The following NPFFR1 variants were observed in gnomAD, a reference collection of about 807,000 sequenced individuals.
The protein encoded by NPFFR1 is G-protein coupled receptor 147.
NPFFR1 carries 17 observed loss-of-function variants against 12.7 expected under a neutral mutation model. The ratio of observed to expected loss-of-function variants is 1.34; its 90% CI spans 0.92 to 2.01. NPFFR1 has a LOEUF of 2.01. Among genes scored for constraint, NPFFR1 ranks in the 30% most tolerant of loss-of-function variants. The pLI is 0.00. For synonymous variants in NPFFR1, 296 were observed against 264.5 expected (o/e 1.12, Z -1.16); for missense variants, 604 against 606.5 (o/e 1.00, Z 0.04).
chr10:70,274,798 G>C (rs1003972841), intron 1 of NPFFR1, among the ~76,000 whole-genome samples: 7 of 152,228 alleles, frequency 4.6e-5, no homozygotes, highest in African/African-American at 1.7e-4. Flanking sequence ...CTTATTGACT[G>C]CATTAGCTAT....
At chr10:70,282,401 G>A (rs959689024) in intron 1 of NPFFR1, among the ~76,000 whole-genome samples, 2 of 152,068 alleles carry the variant, frequency 1.3e-5, no homozygotes, top group Non-Finnish European at 2.9e-5. Flanking sequence ...CTTTGCTAAC[G>A]CCATTCTTAC....
chr10:70,280,910 C>G (rs1400895629), intron 1 of NPFFR1, among the ~76,000 whole-genome samples: 1 of 152,098 alleles, frequency 6.6e-6, no homozygotes, highest in Admixed American at 6.6e-5. Context: ...GTTGAGGCAA[C>G]AAAATTGCTT....
At position 70,248,318 on chromosome 10, in the gene NPFFR1, C is replaced by T. The variant is rs1840470758; in HGVS notation, c.*6639G>A. 1 of 152,136 alleles carries T rather than the reference C, an allele frequency of 6.6e-6. No homozygotes were observed. 9.4% of individuals were successfully genotyped at this position (152,136 alleles called of 1,614,324 possible). Reference sequence around the variant, plus strand: ...TTAATTACTTCATTCATTCAACAGACATTTATTGAGTGCCTCCTATGCACC... The same window carrying T: ...TTAATTACTTCATTCATTCAACAGATATTTATTGAGTGCCTCCTATGCACC... On this transcript the variant is annotated 3_prime_UTR_variant, in exon 4 of 4. Coordinates refer to ENST00000277942, the MANE Select transcript of NPFFR1 (RefSeq NM_022146.5).
At position 70,251,190 on chromosome 10, in the gene NPFFR1, C is replaced by G. The variant is rs1271306750; in HGVS notation, c.*3767G>C. 1 of 152,252 alleles carries G rather than the reference C, an allele frequency of 6.6e-6. No individual in the cohort carries two copies. Among genetic ancestry groups the G allele is most frequent in the African/African-American group, 2.4e-5 (1 of 41,466 alleles). The allele number at this position is 152,252 out of a possible 1,614,324, so 9.4% of individuals were successfully genotyped here. On this transcript the variant is annotated 3_prime_UTR_variant, in exon 4 of 4. Transcript: ENST00000277942. ...ATCAGTGACACTTCTGAGGGGTGAG[C>G]TGAGGAAACGGGTGCAAAAAGGTAC...
chr10:70,260,580 G>A, intron 3 of NPFFR1, 60 bp downstream of exon 3: 1 of 1,397,464 alleles, frequency 7.2e-7, no homozygotes, highest in East Asian at 2.5e-5. Context: ...AGAGGCAGTG[G>A]CTCCTCTTAA....
rs71472949 is a variant in NPFFR1, at chr10:70,248,467, G to GTTTTTTTTTTTTTTTTTTTTT, written c.*6489_*6490insAAAAAAAAAAAAAAAAAAAAA. On this transcript the variant is annotated 3_prime_UTR_variant, in exon 4 of 4. Transcript: ENST00000277942. Reference sequence around the variant, plus strand: ...CAAAGTACGTAGTACTATGCCTGGCGTTTTTTTTTTGTTTTTTGTTTTTTT... The same window carrying GTTTTTTTTTTTTTTTTTTTTT: ...CAAAGTACGTAGTACTATGCCTGGCGTTTTTTTTTTTTTTTTTTTTTTTTTTTTTTTGTTTTTTGTTTTTTT... 5.2e-5 allele frequency: 5 copies of GTTTTTTTTTTTTTTTTTTTTT among 96,736 alleles called. 1 individual carries two copies. Among genetic ancestry groups the GTTTTTTTTTTTTTTTTTTTTT allele is most frequent in the African/African-American group, 8.1e-5 (2 of 24,728 alleles). 6.0% of individuals were successfully genotyped at this position (96,736 alleles called of 1,614,324 possible).
chr10:70,258,272 C>T (rs1840596464), intron 3 of NPFFR1, among the ~76,000 whole-genome samples: 1 of 151,620 alleles, frequency 6.6e-6, no homozygotes, highest in African/African-American at 2.4e-5. Flanking sequence ...CCACTGCACT[C>T]CAGCCAAGGC....
intron 1 of NPFFR1, among the ~76,000 whole-genome samples, chr10:70,278,459 T>G (rs921862743): frequency 1.8e-4 from 27 of 152,234 alleles, no homozygotes; most frequent in Non-Finnish European, 1.5e-4. Context: ...TTTTGGTATG[T>G]TGAGATAACC....
intron 3 of NPFFR1, among the ~76,000 whole-genome samples, chr10:70,259,082 T>C (rs1840606492): frequency 1.3e-5 from 2 of 151,690 alleles, no homozygotes; most frequent in African/African-American, 4.8e-5. Context: ...AGGACAGGAG[T>C]TCGAGACCAG....
chr10:70,255,473 C>T lies in NPFFR1; in HGVS notation c.777G>A (p.Pro259=). 1.2e-5 allele frequency: 18 copies of T among 1,548,358 alleles called. No individual in the cohort carries two copies. Among genetic ancestry groups the T allele is most frequent in the Non-Finnish European group, 1.5e-5 (17 of 1,146,038 alleles). ...PAPGGEEAAD[P]RASRRRARVV... ...CGCGCGCTCTGCGCCGCGATGCTCG[C>T]GGGTCCGCAGCCTCCTCGCCCCCGG... Residue 259 remains proline (P), a synonymous_variant, in exon 4 of 4, where the codon CCG becomes CCA. Coordinates refer to ENST00000277942, the MANE Select transcript of NPFFR1 (RefSeq NM_022146.5). The surrounding 1 kb of genome is among the most constrained non-coding windows in gnomAD (Gnocchi z 4.2).
rs368020444 is a variant in NPFFR1, at chr10:70,255,361, G to A, written c.889C>T (p.Gln297Ter). Reference sequence around the variant, plus strand: ...AGGTGCAGCTGCGGCGCGCTGAGCTGCCCGTAGTCGATGAGCAGCAGCAGC... The same window carrying A: ...AGGTGCAGCTGCGGCGCGCTGAGCTACCCGTAGTCGATGAGCAGCAGCAGC... ...WALLLLIDYG[Q>*]LSAPQLHLVT... The change falls in exon 4 of 4, where the codon CAG becomes TAG. Residue 297 changes from glutamine to a stop codon, truncating the protein, a stop_gained. Transcript: ENST00000277942. LOFTEE classifies it low-confidence loss of function (END_TRUNC). This position sits in a 1 kb window ranked among gnomAD's most constrained non-coding sequence, Gnocchi z 4.2. 50 of 1,558,536 alleles carry A rather than the reference G, an allele frequency of 3.2e-5. No homozygotes were observed. Among genetic ancestry groups the A allele is most frequent in the Admixed American group, 1.3e-4 (7 of 52,358 alleles).
intron 1 of NPFFR1, among the ~76,000 whole-genome samples, chr10:70,269,775 C>T (rs1044759423): frequency 6.6e-6 from 1 of 152,110 alleles, no homozygotes; most frequent in Non-Finnish European, 1.5e-5. Flanking sequence ...CCTCCCAACC[C>T]TCATTGCATT....
intron 3 of NPFFR1, among the ~76,000 whole-genome samples, chr10:70,256,197 G>C (rs1840571495): frequency 6.6e-6 from 1 of 151,474 alleles, no homozygotes; most frequent in Non-Finnish European, 1.5e-5. Flanking sequence ...TCCCACCTCA[G>C]CCTCCTGAGT....
intron 1 of NPFFR1, 148 bp from the exon 2 acceptor site, chr10:70,266,539 C>A: frequency 1.5e-6 from 1 of 647,922 alleles, no homozygotes; most frequent in Non-Finnish European, 2.7e-6. Flanking sequence ...ACTTGATGCA[C>A]TGATCCAAGA....
chr10:70,279,962 A>G (rs1367483470), intron 1 of NPFFR1, among the ~76,000 whole-genome samples: 1 of 152,212 alleles, frequency 6.6e-6, no homozygotes, highest in African/African-American at 2.4e-5. Flanking sequence ...TTCAATATAT[A>G]AGTGAGAACA....
In NPFFR1 at chr10:70,255,822, C is replaced by A; in HGVS notation, c.428G>T (p.Arg143Leu). 6.2e-7 allele frequency: 1 copy of A among 1,604,762 alleles called. No homozygotes were observed. The highest frequency in any genetic ancestry group is 1.1e-5 in the South Asian group (1 of 89,430). ...CTCGCGGAAAGGGTGCACGATGCAGCGGAACCTGCCGCGGGGAGAGAGACA... is the reference window on the plus strand; with the variant it reads ...CTCGCGGAAAGGGTGCACGATGCAGAGGAACCTGCCGCGGGGAGAGAGACA... Reference protein sequence around the residue: ...TLVAIAVERFRCIVHPFREKL... With the variant: ...TLVAIAVERFLCIVHPFREKL... Residue 143 changes from arginine to leucine, a missense_variant, in exon 4 of 4, where the codon CGC becomes CTC. Arg to Leu is a moderately radical substitution (Grantham distance 102, BLOSUM62 -2). Transcript: ENST00000277942. The surrounding 1 kb of genome is among the most constrained non-coding windows in gnomAD (Gnocchi z 4.2).
In NPFFR1 at chr10:70,249,913, CTTT is replaced by C. The variant is rs34524848; in HGVS notation, c.*5041_*5043del. 1.2e-4 allele frequency: 16 copies of C among 128,472 alleles called. No individual in the cohort carries two copies. The highest frequency in any genetic ancestry group is 3.8e-3 in the Middle Eastern group (1 of 264). 8.0% of individuals were successfully genotyped at this position (128,472 alleles called of 1,614,324 possible). A position where few individuals can be genotyped will look rare whatever the true frequency, so the allele number is the denominator to read the frequency against. On this transcript the variant is annotated 3_prime_UTR_variant, in exon 4 of 4. Transcript: ENST00000277942. ...ATTTTCTTTTCTTCTTTCTTTCTTT[CTTT>C]TTTTTTTTTTTTTTGAGACAGTCTT...
In NPFFR1 at chr10:70,273,960, C is replaced by T. The variant is rs764399014; in HGVS notation, c.8-7569G>A. ...AGATGGGCAGGGGTAGCACCATAGACCCCCAAGTTTCCTGTTCCCTAGATT... is the reference window on the plus strand; with the variant it reads ...AGATGGGCAGGGGTAGCACCATAGATCCCCAAGTTTCCTGTTCCCTAGATT... On this transcript the variant is annotated intron_variant, in intron 1 of 3. Coordinates refer to ENST00000277942, the MANE Select transcript of NPFFR1 (RefSeq NM_022146.5). Among the ~76,000 whole-genome samples, 39 of 152,136 alleles carry T rather than the reference C, an allele frequency of 2.6e-4. 1 individual carries two copies. The highest frequency in any genetic ancestry group is 5.9e-4 in the Admixed American group (9 of 15,270).
At chr10:70,267,108 T>G (rs1047383751) in intron 1 of NPFFR1, among the ~76,000 whole-genome samples, 5 of 152,198 alleles carry the variant, frequency 3.3e-5, no homozygotes, top group African/African-American at 4.8e-5. Context: ...ACCCAATTAT[T>G]ATACCCTCAA....
Sources: allele counts gnomAD v4.1 joint callset (sites outside exome capture counted in the v4.1 genomes callset), GRCh38; gene constraint gnomAD v4.1.1; non-coding constraint Gnocchi (gnomAD v3.1); transcripts MANE v1.5; gene names NCBI Gene and HGNC (gene_info 2026-07-23, HGNC 2026-07-21).